The following LUZP1 variants were observed in gnomAD, a reference collection of about 807,000 sequenced individuals.
LUZP1 encodes leucine zipper protein 1.
LUZP1 carries 25 observed loss-of-function variants against 71.3 expected under a neutral mutation model. That is an observed-to-expected ratio of 0.35 (90% confidence interval 0.26 to 0.49). LUZP1 has a LOEUF of 0.49. Ranked by LOEUF, LUZP1 falls within the 20% of genes least tolerant of loss-of-function variation. The pLI is 0.99. For missense variants in LUZP1, 1,142 were observed against 1,300.8 expected (o/e 0.88, Z 1.88); for synonymous variants, 481 against 506.4 (o/e 0.95, Z 0.67).
At chr1:23,165,359 C>CTT (rs113145677) in intron 2 of LUZP1, among the ~76,000 whole-genome samples, 36 of 140,740 alleles carry the variant, frequency 2.6e-4, no homozygotes, top group Admixed American at 4.3e-4. Flanking sequence ...CTCAATAAAG[C>CTT]TTTTTTTTTT....
At chr1:23,141,867 CAG>C (rs1334543470) in intron 2 of LUZP1, among the ~76,000 whole-genome samples, 1 of 142,092 alleles carries the variant, frequency 7.0e-6, no homozygotes, top group African/African-American at 2.7e-5. Context: ...TTTTTTGAGA[CAG>C]TTTTGCTTTT....
At chr1:23,121,753 T>G (rs1173018002) in intron 2 of LUZP1, among the ~76,000 whole-genome samples, 1 of 152,128 alleles carries the variant, frequency 6.6e-6, no homozygotes, top group South Asian at 2.1e-4. Context: ...GGCTCACGCC[T>G]GTAATCTCAG....
intron 2 of LUZP1, among the ~76,000 whole-genome samples, chr1:23,111,314 G>A (rs933964288): frequency 6.6e-6 from 1 of 151,902 alleles, no homozygotes; most frequent in African/African-American, 2.4e-5. Context: ...ACTTTGGGAG[G>A]CCAAGGCAGG....
At chr1:23,126,527 ACT>A (rs1243749934) in intron 2 of LUZP1, among the ~76,000 whole-genome samples, 6 of 151,452 alleles carry the variant, frequency 4.0e-5, no homozygotes, top group South Asian at 4.2e-4. Context: ...ATTTACTTAC[ACT>A]CTCTCTCACT....
intron 2 of LUZP1, among the ~76,000 whole-genome samples, chr1:23,162,005 G>A (rs1302828245): frequency 1.1e-4 from 13 of 123,562 alleles, no homozygotes; most frequent in Admixed American, 4.9e-4. Context: ...CAGCCTGGGC[G>A]ACAGAACGAG....
Position 23,157,794 on chromosome 1 carries a change from A to G in LUZP1, c.-226+10972T>C, listed in dbSNP as rs1286047282. Among the ~76,000 whole-genome samples, 10 of 150,480 alleles carry G rather than the reference A, an allele frequency of 6.6e-5. No individual in the cohort carries two copies. The Admixed American group carries it at 6.7e-4, about 10-fold the overall frequency. ...CCATAGAGGGAGACTCCATCTCAAAACAAAACAAAACAAAACAAAACAAAA... is the reference window on the plus strand; with the variant it reads ...CCATAGAGGGAGACTCCATCTCAAAGCAAAACAAAACAAAACAAAACAAAA... On this transcript the variant is annotated intron_variant, in intron 2 of 4. Coordinates refer to ENST00000302291, the Ensembl canonical transcript of LUZP1.
chr1:23,088,891 G>A (rs185275170), exon 5 of LUZP1: 28 of 1,613,280 alleles, frequency 1.7e-5, no homozygotes, highest in East Asian at 6.7e-5. Context: ...GACACCCAGC[G>A]GGCTCAGTTC....
exon 4 of LUZP1, chr1:23,091,800 G>C (rs760815764): frequency 2.5e-6 from 4 of 1,614,100 alleles, no homozygotes; most frequent in Non-Finnish European, 3.4e-6. Context: ...GATATTGCTA[G>C]TGGATGTGTG....
chr1:23,133,273 CTAT>C (rs1408098210), intron 2 of LUZP1, among the ~76,000 whole-genome samples: 14 of 152,178 alleles, frequency 9.2e-5, no homozygotes, highest in Non-Finnish European at 1.5e-5. Context: ...ATTATTATTG[CTAT>C]TATTACTTAG....
intron 2 of LUZP1, among the ~76,000 whole-genome samples, chr1:23,116,118 C>T (rs953585473): frequency 2.6e-5 from 4 of 151,772 alleles, no homozygotes; most frequent in African/African-American, 4.8e-5. Context: ...CAGTGACTCA[C>T]GCCTACAATC....
chr1:23,159,727 G>A (rs1438557670), intron 2 of LUZP1, among the ~76,000 whole-genome samples: 1 of 152,258 alleles, frequency 6.6e-6, no homozygotes, highest in African/African-American at 2.4e-5. Context: ...GCTCATGCCT[G>A]TAATCCCAAC....
At chr1:23,083,975 A>ACT (rs1643709011), downstream of LUZP1, 1 of 120,968 alleles carries the variant, frequency 8.3e-6, no homozygotes, top group Non-Finnish European at 2.0e-5. Context: ...TTATTAGGAA[A>ACT]CTTTGGATGC....
At chr1:23,129,319 C>T (rs755910131) in intron 2 of LUZP1, among the ~76,000 whole-genome samples, 37 of 152,190 alleles carry the variant, frequency 2.4e-4, no homozygotes, top group Admixed American at 1.2e-3. Flanking sequence ...CGGTGGCTCA[C>T]ACCTGTAATC....
chr1:23,102,978 C>T (rs1445681920), intron 3 of LUZP1, among the ~76,000 whole-genome samples: 1 of 152,032 alleles, frequency 6.6e-6, no homozygotes, highest in African/African-American at 2.4e-5. Flanking sequence ...GTCTACCAGG[C>T]TGTCATGCAG....
At chr1:23,143,236 T>C (rs6658785) in intron 2 of LUZP1, among the ~76,000 whole-genome samples, 28,608 of 152,014 alleles carry the variant, frequency 0.19, 2,905 homozygotes, top group Middle Eastern at 0.31. Flanking sequence ...CTCTAACTCC[T>C]TACCTCGTGA....
chr1:23,124,499 T>G lies in LUZP1; in HGVS notation c.-225-15372A>C, dbSNP rs546196252. On this transcript the variant is annotated intron_variant, in intron 2 of 4. Transcript: ENST00000302291. ...CTGTGAATTCTCCTCTGTTGCTTTG[T>G]GGTGTGACTCAGGGAGAGTTATTCC... is the stretch of plus-strand genomic sequence containing the variant. Among the ~76,000 whole-genome samples, 14 of 152,332 alleles carry G rather than the reference T, an allele frequency of 9.2e-5. No homozygotes were observed. The South Asian group carries it at 2.9e-3, about 32-fold the overall frequency.
intron 1 of LUZP1, among the ~76,000 whole-genome samples, chr1:23,172,984 G>A (rs567182274): frequency 4.6e-5 from 7 of 151,440 alleles, no homozygotes; most frequent in South Asian, 2.1e-4. Flanking sequence ...CACCATGCCC[G>A]GCTAATTTTT....
chr1:23,086,550 T>A (rs1159622056), exon 5 of LUZP1: 4 of 152,658 alleles, frequency 2.6e-5, no homozygotes, highest in African/African-American at 9.6e-5. Context: ...ACAAGAATTA[T>A]TGGCGAGATC....
At chr1:23,098,440 T>A (rs1643905679) in intron 3 of LUZP1, among the ~76,000 whole-genome samples, 1 of 152,070 alleles carries the variant, frequency 6.6e-6, no homozygotes, top group Non-Finnish European at 1.5e-5. Flanking sequence ...AACGAAGGTA[T>A]AATCATAGGA....
Sources: gnomAD v4.1 joint callset for allele counts (sites outside exome capture counted in the v4.1 genomes callset) on GRCh38, gnomAD v4.1.1 for gene constraint, MANE v1.5 for transcripts, NCBI Gene and HGNC (gene_info 2026-07-23, HGNC 2026-07-21) for gene names.